KY: variants seen among roughly 807,000 people sequenced by gnomAD.
The protein encoded by KY is kyphoscoliosis peptidase.
Under a neutral mutation model 76.1 loss-of-function variants are expected in KY, and 43 were observed. The observed-to-expected ratio is 0.57, with a 90% CI of 0.44 to 0.73. KY has a LOEUF of 0.73. Ranked by LOEUF, KY falls within the 30% of genes least tolerant of loss-of-function variation. The pLI is 0.00. For missense variants in KY, 722 were observed against 828.9 expected (o/e 0.87, Z 1.58); for synonymous variants, 277 against 326.2 (o/e 0.85, Z 1.63).
intron 8 of KY, among the ~76,000 whole-genome samples, chr3:134,614,470 C>T (rs1429357742): frequency 6.6e-6 from 1 of 152,016 alleles, no homozygotes; most frequent in Admixed American, 6.6e-5. Context: ...CTGCAGCCCC[C>T]ACTCTCCAGC....
At chr3:134,616,555 G>T (rs1020151197) in intron 8 of KY, among the ~76,000 whole-genome samples, 4 of 152,226 alleles carry the variant, frequency 2.6e-5, no homozygotes, top group Non-Finnish European at 5.9e-5. Flanking sequence ...GAATTCAGGG[G>T]ACCGTGAGCT....
At chr3:134,641,501 T>C (rs537584585) in intron 3 of KY, among the ~76,000 whole-genome samples, 11 of 152,246 alleles carry the variant, frequency 7.2e-5, no homozygotes, top group Admixed American at 1.3e-4. Context: ...ATGGTGGGCC[T>C]GCAGCCTCTA....
intron 1 of KY, 139 bp from the exon 2 acceptor site, chr3:134,647,636 A>G (rs1293912786): frequency 1.7e-6 from 1 of 591,386 alleles, no homozygotes; most frequent in Admixed American, 3.4e-5. Context: ...CATGAATAAG[A>G]TGCCCTTGAG....
At chr3:134,619,066 A>T in intron 8 of KY, 82 bp downstream of exon 8, 1 of 1,159,442 alleles carries the variant, frequency 8.6e-7, no homozygotes, top group South Asian at 1.2e-5. Flanking sequence ...CAGGCCTGGC[A>T]TGTGGGCAAA....
At position 134,611,200 on chromosome 3, in the gene KY, G is replaced by A. The variant is rs57534915; in HGVS notation, c.711-817C>T. Among the ~76,000 whole-genome samples the A allele has an allele frequency of 9.9e-3, 1,509 of 152,330 alleles. 28 individuals carry two copies. The highest frequency in any genetic ancestry group is 0.033 in the African/African-American group (1,368 of 41,570). ...TCAACCTGAGCTTTGGGGTCCTTTT[G>A]ACATTGTGCTCCTTCACTGCTCATA... On this transcript the variant is annotated intron_variant, in intron 8 of 10. Transcript: ENST00000423778.
intron 3 of KY, among the ~76,000 whole-genome samples, chr3:134,633,814 G>A (rs1964556830): frequency 6.6e-6 from 1 of 152,076 alleles, no homozygotes; most frequent in African/African-American, 2.4e-5. Context: ...AAATAAAACT[G>A]TCTTTATTCA....
At chr3:134,617,512 A>G (rs1250545319) in intron 8 of KY, among the ~76,000 whole-genome samples, 2 of 152,248 alleles carry the variant, frequency 1.3e-5, no homozygotes, top group African/African-American at 2.4e-5. Context: ...GAGCACAGGT[A>G]ATTCCTGTAT....
intron 10 of KY, 126 bp from the exon 11 acceptor site, chr3:134,604,600 T>C (rs1035675103): frequency 1.5e-5 from 12 of 777,198 alleles, no homozygotes; most frequent in Non-Finnish European, 2.0e-5. Context: ...ATTTCCACGG[T>C]GTTAATACTT....
At chr3:134,606,209 C>T (rs886496895) in intron 10 of KY, among the ~76,000 whole-genome samples, 24 of 152,160 alleles carry the variant, frequency 1.6e-4, no homozygotes, top group Non-Finnish European at 3.2e-4. Context: ...CCAGATCCCC[C>T]TGAGATTCAC....
intron 1 of KY, among the ~76,000 whole-genome samples, chr3:134,648,072 C>T (rs188607264): frequency 5.9e-5 from 9 of 152,346 alleles, no homozygotes; most frequent in Non-Finnish European, 2.9e-5. Flanking sequence ...GGAAAGCTCT[C>T]GCTCTGGCTG....
chr3:134,619,749 G>C (rs578207453), intron 7 of KY, among the ~76,000 whole-genome samples: 5 of 152,230 alleles, frequency 3.3e-5, no homozygotes, highest in Non-Finnish European at 7.3e-5. Flanking sequence ...CCTGTGGTGA[G>C]GCCCTAAGGC....
intron 1 of KY, among the ~76,000 whole-genome samples, chr3:134,648,750 C>T (rs918500122): frequency 1.3e-5 from 2 of 152,158 alleles, no homozygotes; most frequent in Non-Finnish European, 2.9e-5. Flanking sequence ...GAAGGCCCTT[C>T]CAGCAGAAGG....
rs560249337 is a variant in KY at position 134,635,143 on chromosome 3, A to T, written c.263-5448T>A. Among the ~76,000 whole-genome samples the T allele has an allele frequency of 1.1e-3, 169 of 152,370 alleles. 1 individual carries two copies. Among genetic ancestry groups the T allele is most frequent in the African/African-American group, 3.9e-3 (164 of 41,596 alleles). On this transcript the variant is annotated intron_variant, in intron 3 of 10. Coordinates refer to ENST00000423778, the MANE Select transcript of KY (RefSeq NM_178554.6). The stretch of plus-strand genomic sequence containing the variant: ...TATTCATAATCACCCTGAACTGGAA[A>T]CAACTTAAACGTCCTTCAATGAGTG...
intron 3 of KY, among the ~76,000 whole-genome samples, chr3:134,641,996 C>A (rs769189348): frequency 1.1e-4 from 16 of 152,204 alleles, no homozygotes; most frequent in Non-Finnish European, 2.1e-4. Flanking sequence ...CAGGACAGAG[C>A]ATGGGCTTGT....
rs1472697452 is a variant in KY, at chr3:134,603,872, A to T, written c.1693T>A (p.Trp565Arg). 2 of 1,614,048 alleles carry T rather than the reference A, an allele frequency of 1.2e-6. No homozygotes were observed. Among genetic ancestry groups the T allele is most frequent in the Non-Finnish European group, 1.7e-6 (2 of 1,179,904 alleles). The change falls in exon 11 of 11, where the codon TGG becomes AGG. Residue 565 changes from tryptophan to arginine, a missense_variant. Trp to Arg is a moderately radical substitution (Grantham distance 101). Transcript: ENST00000423778. The part of the protein sequence containing the change: ...LVCCANTKVN[W>R]PMFPESFGNW... ...CCAAAGCTCTCAGGGAACATGGGCC[A>T]GTTCACCTTGGTGTTGGCACAGCAT...
chr3:134,637,995 C>T (rs909261386), intron 3 of KY, among the ~76,000 whole-genome samples: 2 of 152,218 alleles, frequency 1.3e-5, no homozygotes, highest in Non-Finnish European at 2.9e-5. Context: ...GGGTCAATGT[C>T]CAATATTTTC....
At chr3:134,626,320 C>T (rs1963445926) in intron 5 of KY, among the ~76,000 whole-genome samples, 1 of 152,192 alleles carries the variant, frequency 6.6e-6, no homozygotes, top group Admixed American at 6.5e-5. Flanking sequence ...TGAGAAAGCA[C>T]CTGATGGACC....
At chr3:134,631,005 A>G (rs1964145473) in intron 3 of KY, among the ~76,000 whole-genome samples, 1 of 152,252 alleles carries the variant, frequency 6.6e-6, no homozygotes, top group Non-Finnish European at 1.5e-5. Flanking sequence ...GACAGAGAAC[A>G]CAGTCAGAGA....
chr3:134,608,105 G>C (rs1313365376), intron 10 of KY: 19 of 1,126,772 alleles, frequency 1.7e-5, no homozygotes, highest in Non-Finnish European at 2.1e-5. Flanking sequence ...GACCCATGTT[G>C]CTCCCCATCC....
Sources: allele counts gnomAD v4.1 joint callset (sites outside exome capture counted in the v4.1 genomes callset), GRCh38; gene constraint gnomAD v4.1.1; transcripts MANE v1.5; gene names NCBI Gene and HGNC (gene_info 2026-07-23, HGNC 2026-07-21).